RAB38: variants seen among roughly 807,000 people sequenced by gnomAD.
The protein encoded by RAB38 is RAB38, member RAS oncogene family.
A neutral mutation model predicts 18.4 loss-of-function variants in RAB38; 15 were observed. That is an observed-to-expected ratio of 0.82 (90% CI 0.55 to 1.26). The LOEUF is 1.26. Among genes scored for constraint, RAB38 ranks in the 50% most tolerant of loss-of-function variants. The pLI, the probability that RAB38 is intolerant of heterozygous loss-of-function variation, is 0.00. For missense variants in RAB38, 294 were observed against 267.4 expected (o/e 1.10, Z -0.69); for synonymous variants, 101 against 104.4 (o/e 0.97, Z 0.20).
the RAB38 span, among the ~76,000 whole-genome samples, chr11:87,974,016 C>A: frequency 1.3e-5 from 2 of 151,862 alleles, no homozygotes. Flanking sequence ...AAAGAAAAAA[C>A]AAGCACTTTT....
the RAB38 span, among the ~76,000 whole-genome samples, chr11:88,093,707 C>T: frequency 6.6e-6 from 1 of 151,834 alleles, no homozygotes; most frequent in Non-Finnish European, 1.5e-5. Context: ...TCAAAAGTGA[C>T]TCCAACTACT....
intron 2 of RAB38, among the ~76,000 whole-genome samples, chr11:88,122,187 T>G (rs972519001): frequency 5.3e-5 from 8 of 152,224 alleles, no homozygotes; most frequent in African/African-American, 1.9e-4. Context: ...GACAGTTTAC[T>G]ATTCCCGAGA....
the RAB38 span, among the ~76,000 whole-genome samples, chr11:87,967,277 C>G: frequency 6.6e-6 from 1 of 151,880 alleles, no homozygotes; most frequent in Admixed American, 6.6e-5. Flanking sequence ...TTTAAATAAC[C>G]CATGAATTGA....
downstream of RAB38, among the ~76,000 whole-genome samples, chr11:88,111,358 T>C (rs1942471186): frequency 6.6e-6 from 1 of 152,066 alleles, no homozygotes; most frequent in African/African-American, 2.4e-5. Flanking sequence ...ATCATTATGG[T>C]GAATGACCCT....
chr11:87,827,632 C>T, the RAB38 span, among the ~76,000 whole-genome samples: 1 of 152,088 alleles, frequency 6.6e-6, no homozygotes, highest in African/African-American at 2.4e-5. Context: ...ATCTCCAAAT[C>T]CATATTACTA....
At chr11:87,840,701 A>G in the RAB38 span, among the ~76,000 whole-genome samples, 1 of 152,234 alleles carries the variant, frequency 6.6e-6, no homozygotes, top group Non-Finnish European at 1.5e-5. Context: ...TGACATTACC[A>G]TAAAAAGTAA....
At chr11:88,152,391 C>T (rs561426988) in intron 1 of RAB38, among the ~76,000 whole-genome samples, 1 of 152,156 alleles carries the variant, frequency 6.6e-6, no homozygotes, top group East Asian at 1.9e-4. Flanking sequence ...TAGGCTATAA[C>T]TTCATAGAGA....
the RAB38 span, among the ~76,000 whole-genome samples, chr11:88,063,127 G>T: frequency 6.6e-6 from 1 of 152,016 alleles, no homozygotes; most frequent in African/African-American, 2.4e-5. Flanking sequence ...AGTCATGGTG[G>T]GGGTAGCAAG....
chr11:87,877,295 T>C, the RAB38 span, among the ~76,000 whole-genome samples: 1 of 151,610 alleles, frequency 6.6e-6, no homozygotes, highest in South Asian at 2.1e-4. Context: ...ATGGGTGTCA[T>C]TAAGTGTCAT....
At chr11:88,143,897 G>T (rs567442876) in intron 2 of RAB38, among the ~76,000 whole-genome samples, 1 of 152,110 alleles carries the variant, frequency 6.6e-6, no homozygotes, top group Non-Finnish European at 1.5e-5. Context: ...AAGCATTGAC[G>T]TAGGGAACCT....
chr11:88,152,417 ATG>A (rs1466103349), intron 1 of RAB38, among the ~76,000 whole-genome samples: 2 of 152,012 alleles, frequency 1.3e-5, no homozygotes, highest in African/African-American at 2.4e-5. Context: ...AAAGGAAAAT[ATG>A]TGTGTGTGTG....
the RAB38 span, among the ~76,000 whole-genome samples, chr11:87,813,505 A>T: frequency 0.062 from 8,694 of 140,914 alleles, 345 homozygotes; most frequent in Non-Finnish European, 0.089. Context: ...CACATCACAC[A>T]CACACACACA....
rs369651975 is a variant in RAB38 at position 88,139,389 on chromosome 11, G to A, written c.483+10286C>T. 2.1e-3 allele frequency among the ~76,000 whole-genome samples: 315 copies of A among 152,192 alleles called. 9 individuals are homozygous for A. In the South Asian group the frequency reaches 0.06, roughly 29 times the overall value. On this transcript the variant is annotated intron_variant, in intron 2 of 2. Transcript: ENST00000243662. Reference sequence around the variant, plus strand: ...AAAGAAGCTGCATCACTCACAGGTGGGGGTAACAGCTTTTTCTTCAGCTGC... The same window carrying A: ...AAAGAAGCTGCATCACTCACAGGTGAGGGTAACAGCTTTTTCTTCAGCTGC...
the RAB38 span, among the ~76,000 whole-genome samples, chr11:87,835,043 AG>A: frequency 6.6e-6 from 1 of 152,204 alleles, no homozygotes; most frequent in East Asian, 1.9e-4. Flanking sequence ...GGTAGTAAAA[AG>A]TCTTAATTCA....
chr11:88,077,763 C>A, the RAB38 span, among the ~76,000 whole-genome samples: 1 of 152,040 alleles, frequency 6.6e-6, no homozygotes, highest in South Asian at 2.1e-4. Flanking sequence ...CATAGGCAAC[C>A]AAGGCAAAAA....
the RAB38 span, among the ~76,000 whole-genome samples, chr11:87,943,181 T>C: frequency 1.1e-4 from 17 of 152,182 alleles, no homozygotes; most frequent in Non-Finnish European, 2.5e-4. Flanking sequence ...TTTGGAGATG[T>C]CTCTAAATTT....
chr11:87,828,866 C>A, the RAB38 span, among the ~76,000 whole-genome samples: 55 of 152,226 alleles, frequency 3.6e-4, no homozygotes, highest in African/African-American at 1.3e-3. Flanking sequence ...TTTTCTTAAA[C>A]ATTTTTAAAA....
At chr11:88,098,421 T>C in the RAB38 span, among the ~76,000 whole-genome samples, 1 of 151,980 alleles carries the variant, frequency 6.6e-6, no homozygotes, top group Non-Finnish European at 1.5e-5. Flanking sequence ...GTAAGTAGAA[T>C]GCCCAGTACC....
chr11:87,901,924 CT>C, the RAB38 span, among the ~76,000 whole-genome samples: 117,892 of 143,534 alleles, frequency 0.82, 48,483 homozygotes, highest in East Asian at 0.98. Context: ...GTTTGGCTGA[CT>C]TTTTTTTTTT....
Sources: allele counts gnomAD v4.1 joint callset (sites outside exome capture counted in the v4.1 genomes callset), GRCh38; gene constraint gnomAD v4.1.1; transcripts MANE v1.5; gene names NCBI Gene and HGNC (gene_info 2026-07-23, HGNC 2026-07-21).